Variants in LOC112694756 observed in about 807,000 individuals in gnomAD.
chr16:30,069,622 G>A, the LOC112694756 span: 11 of 1,613,858 alleles, frequency 6.8e-6, no homozygotes, highest in Non-Finnish European at 8.5e-6. Context: ...TGAGGAGATT[G>A]CCATGGCGAC....
chr16:30,064,097 T>A, the LOC112694756 span: 2 of 396,972 alleles, frequency 5.0e-6, no homozygotes, highest in Non-Finnish European at 8.9e-6. Flanking sequence ...TCCCTTCCCC[T>A]CCACACGTCA....
the LOC112694756 span, chr16:30,055,166 AC>A: frequency 7.5e-6 from 3 of 398,938 alleles, no homozygotes; most frequent in African/African-American, 6.2e-5. Flanking sequence ...GAACCCTGTG[AC>A]CTAGGCCCAG....
the LOC112694756 span, among the ~76,000 whole-genome samples, chr16:30,062,404 T>A: frequency 6.6e-6 from 1 of 150,440 alleles, no homozygotes; most frequent in South Asian, 2.1e-4. Context: ...TGGTGGCACG[T>A]GCCTGTAATC....
chr16:30,068,060 A>AC, the LOC112694756 span: 69 of 221,362 alleles, frequency 3.1e-4, no homozygotes, highest in African/African-American at 1.6e-3. Context: ...CATTTTAAGT[A>AC]AATTTTTTTT....
the LOC112694756 span, chr16:30,069,218 G>A: frequency 1.3e-6 from 2 of 1,490,374 alleles, no homozygotes; most frequent in East Asian, 4.5e-5. Context: ...GCATCATCAA[G>A]ATACGGTCTT....
the LOC112694756 span, chr16:30,068,249 A>T: frequency 3.0e-6 from 1 of 329,384 alleles, no homozygotes. Context: ...TATTTTTAGT[A>T]GACACTGGGT....
At chr16:30,059,493 C>T in the LOC112694756 span, among the ~76,000 whole-genome samples, 4 of 150,992 alleles carry the variant, frequency 2.6e-5, no homozygotes, top group Admixed American at 6.6e-5. Context: ...AGCAAGATTC[C>T]GTCTCAAAAA....
At chr16:30,066,022 T>C in the LOC112694756 span, 3 of 152,702 alleles carry the variant, frequency 2.0e-5, no homozygotes, top group South Asian at 6.2e-4. Context: ...GCCTCCCCCA[T>C]CCCATGCCAG....
the LOC112694756 span, among the ~76,000 whole-genome samples, chr16:30,054,029 A>T: frequency 6.6e-6 from 1 of 151,968 alleles, no homozygotes; most frequent in African/African-American, 2.4e-5. Flanking sequence ...CACTGTCTCT[A>T]AAAAAATTGA....
the LOC112694756 span, chr16:30,067,844 C>A: frequency 5.7e-6 from 4 of 703,522 alleles, no homozygotes; most frequent in African/African-American, 1.8e-5. Context: ...GTATCATTCC[C>A]ACTTTACACA....
chr16:30,059,354 C>T, the LOC112694756 span, among the ~76,000 whole-genome samples: 5 of 151,612 alleles, frequency 3.3e-5, no homozygotes, highest in Admixed American at 1.3e-4. Context: ...AAAAATTAGC[C>T]GGGCGTGGTG....
At chr16:30,060,170 T>C in the LOC112694756 span, among the ~76,000 whole-genome samples, 1 of 150,596 alleles carries the variant, frequency 6.6e-6, no homozygotes, top group Non-Finnish European at 1.5e-5. Context: ...ATAGAGATGA[T>C]GTTTCACCAT....
the LOC112694756 span, among the ~76,000 whole-genome samples, chr16:30,053,684 T>C: frequency 1.3e-5 from 2 of 152,194 alleles, no homozygotes. Context: ...GGCACATTTC[T>C]GGTATTCCTG....
chr16:30,069,448 C>A, the LOC112694756 span: 641 of 1,613,972 alleles, frequency 4.0e-4, 2 homozygotes, highest in African/African-American at 7.4e-3. Flanking sequence ...TGGGGCTAAC[C>A]CCTATCCTCT....
the LOC112694756 span, chr16:30,067,432 C>A: frequency 3.1e-6 from 5 of 1,613,488 alleles, no homozygotes; most frequent in Non-Finnish European, 4.2e-6. Flanking sequence ...TCCCCTAATT[C>A]CCATGTGACA....
the LOC112694756 span, chr16:30,069,378 G>A: frequency 6.2e-7 from 1 of 1,614,148 alleles, no homozygotes; most frequent in Non-Finnish European, 8.5e-7. Context: ...CTGCCAGTAT[G>A]TGACCGAGAA....
chr16:30,067,034 G>T, the LOC112694756 span: 1 of 1,578,308 alleles, frequency 6.3e-7, no homozygotes, highest in Non-Finnish European at 8.6e-7. Context: ...ACAGAGTTAG[G>T]AAAGGTACAG....
the LOC112694756 span, chr16:30,054,694 C>A: frequency 2.5e-6 from 1 of 398,880 alleles, no homozygotes; most frequent in South Asian, 1.3e-4. Context: ...CCGTTCCTCT[C>A]CCAGCCACCT....
chr16:30,054,479 G>A, the LOC112694756 span: 1 of 246,756 alleles, frequency 4.1e-6, no homozygotes, highest in African/African-American at 2.2e-5. Context: ...GTGGGCTGAG[G>A]GATGGTAAAG....
Sources: gnomAD v4.1 joint callset for allele counts (sites outside exome capture counted in the v4.1 genomes callset) on GRCh38, gnomAD v4.1.1 for gene constraint, MANE v1.5 for transcripts.